INSC: variants seen among roughly 807,000 people sequenced by gnomAD.
The protein encoded by INSC is protein inscuteable homolog.
INSC carries 67 observed loss-of-function variants against 58.6 expected under a neutral mutation model. The ratio of observed to expected loss-of-function variants is 1.14; its 90% CI spans 0.94 to 1.40. The LOEUF (loss-of-function observed/expected upper bound fraction) is 1.40, where lower values mean the gene tolerates loss of function less well. Ranked by LOEUF, INSC falls within the 40% of genes most tolerant of loss-of-function variation. The pLI is 0.00. For missense variants in INSC, 714 were observed against 692.0 expected, an observed-to-expected ratio of 1.03 and a Z score of -0.36; for synonymous variants, 262 against 276.1, an observed-to-expected ratio of 0.95 and a Z score of 0.51.
chr11:15,181,380 T>C (rs1244117751), intron 5 of INSC, among the ~76,000 whole-genome samples: 4 of 152,206 alleles, frequency 2.6e-5, no homozygotes, highest in Admixed American at 2.6e-4. Flanking sequence ...CACTAAGAAG[T>C]CGTGTGGGCT....
At chr11:15,144,394 C>T (rs1225111627) in intron 1 of INSC, among the ~76,000 whole-genome samples, 1 of 152,174 alleles carries the variant, frequency 6.6e-6, no homozygotes, top group Non-Finnish European at 1.5e-5. Flanking sequence ...GCCTTTTCAG[C>T]TCCAAATGTA....
the INSC span, among the ~76,000 whole-genome samples, chr11:15,263,360 G>A: frequency 6.6e-6 from 1 of 152,028 alleles, no homozygotes; most frequent in African/African-American, 2.4e-5. Flanking sequence ...ATCCCATTCA[G>A]AAACTGTGAT....
At chr11:15,262,866 G>C in the INSC span, among the ~76,000 whole-genome samples, 1 of 151,930 alleles carries the variant, frequency 6.6e-6, no homozygotes, top group South Asian at 2.1e-4. Context: ...AGCACTCTGA[G>C]AAACAGAGGA....
chr11:15,136,862 G>T (rs1045666272), intron 1 of INSC, among the ~76,000 whole-genome samples: 1 of 152,078 alleles, frequency 6.6e-6, no homozygotes, highest in East Asian at 1.9e-4. Flanking sequence ...CATGAATCAT[G>T]AATGTTCTTA....
chr11:15,186,709 C>G (rs894592291), intron 5 of INSC, among the ~76,000 whole-genome samples: 1 of 152,006 alleles, frequency 6.6e-6, no homozygotes, highest in African/African-American at 2.4e-5. Context: ...CCTCAGAGTC[C>G]TAATTCATGC....
chr11:15,232,394 C>T (rs1279088148), intron 9 of INSC, among the ~76,000 whole-genome samples: 3 of 152,178 alleles, frequency 2.0e-5, no homozygotes, highest in African/African-American at 7.2e-5. Flanking sequence ...TCATTGAATG[C>T]TCATACAGGA....
At chr11:15,267,571 C>G in the INSC span, among the ~76,000 whole-genome samples, 2 of 151,896 alleles carry the variant, frequency 1.3e-5, no homozygotes, top group Non-Finnish European at 2.9e-5. Flanking sequence ...GGCTATATCT[C>G]TAGATGTTCA....
At chr11:15,247,706 T>A (rs1370824781), downstream of INSC, among the ~76,000 whole-genome samples, 1 of 132,604 alleles carries the variant, frequency 7.5e-6, no homozygotes, top group Non-Finnish European at 1.7e-5. Flanking sequence ...TGAGTCCTTA[T>A]ACAAAGCTTC....
the INSC span, among the ~76,000 whole-genome samples, chr11:15,269,104 A>G: frequency 6.6e-6 from 1 of 151,752 alleles, no homozygotes; most frequent in Non-Finnish European, 1.5e-5. Context: ...ATGTTACCCT[A>G]CTCAGTATGT....
At chr11:15,148,217 A>AC (rs1848543365) in intron 1 of INSC, among the ~76,000 whole-genome samples, 1 of 152,170 alleles carries the variant, frequency 6.6e-6, no homozygotes, top group African/African-American at 2.4e-5. Flanking sequence ...GCTGTGTAGA[A>AC]TAAAAACCCT....
intron 9 of INSC, among the ~76,000 whole-genome samples, chr11:15,234,546 C>T (rs544344597): frequency 1.1e-4 from 17 of 152,260 alleles, no homozygotes; most frequent in East Asian, 3.9e-4. Context: ...GCTGTCTCAG[C>T]GGAGGGGGGA....
At chr11:15,236,732 G>T (rs567006798) in intron 10 of INSC, among the ~76,000 whole-genome samples, 1 of 152,212 alleles carries the variant, frequency 6.6e-6, no homozygotes, top group Admixed American at 6.5e-5. Context: ...AACCAGAGAC[G>T]CTAATGAGGC....
chr11:15,143,124 AGT>A (rs1848412252), intron 1 of INSC, among the ~76,000 whole-genome samples: 2 of 152,326 alleles, frequency 1.3e-5, no homozygotes, highest in African/African-American at 4.8e-5. Flanking sequence ...GGGGTATGGC[AGT>A]GAGTGGCACA....
chr11:15,227,763 G>A (rs1041671765), intron 9 of INSC, among the ~76,000 whole-genome samples: 11 of 152,126 alleles, frequency 7.2e-5, no homozygotes, highest in Admixed American at 6.5e-4. Flanking sequence ...TTTGTGATCC[G>A]CCTTACTCAT....
At chr11:15,190,531 T>C (rs961961621) in intron 5 of INSC, among the ~76,000 whole-genome samples, 170 bp from the exon 6 acceptor site, 5 of 152,320 alleles carry the variant, frequency 3.3e-5, no homozygotes, top group African/African-American at 1.2e-4. Context: ...CCCTGACTGA[T>C]ACCTTTCCCA....
intron 2 of INSC, among the ~76,000 whole-genome samples, chr11:15,156,296 A>C (rs1189235521): frequency 6.6e-6 from 1 of 152,192 alleles, no homozygotes; most frequent in Admixed American, 6.5e-5. Context: ...AAACTATAAA[A>C]AGGCAACTGT....
chr11:15,216,854 G>C (rs1851237813), intron 7 of INSC, among the ~76,000 whole-genome samples: 1 of 152,176 alleles, frequency 6.6e-6, no homozygotes, highest in African/African-American at 2.4e-5. Flanking sequence ...AGGGCCCCAA[G>C]TCTAGGAGCC....
Position 15,180,687 on chromosome 11 carries a change from G to C in INSC, c.579+2240G>C, listed in dbSNP as rs549536117. On this transcript the variant is annotated intron_variant, in intron 5 of 12. Transcript: ENST00000379556. Reference sequence around the variant, plus strand: ...CCTCCCTCTCATGGTAGGAGTGAGGGGGGGGGCGGGGGGGGGTGGTGGCCA... The same window carrying C: ...CCTCCCTCTCATGGTAGGAGTGAGGCGGGGGGCGGGGGGGGGTGGTGGCCA... 6.5e-3 allele frequency among the ~76,000 whole-genome samples: 631 copies of C among 97,444 alleles called. 9 individuals carry two copies. Among genetic ancestry groups the C allele is most frequent in the African/African-American group, 0.024 (602 of 25,250 alleles). 63.9% of individuals were successfully genotyped at this position (97,444 alleles called of 152,430 possible).
intron 1 of INSC, among the ~76,000 whole-genome samples, chr11:15,147,593 C>A (rs1848526074): frequency 1.3e-5 from 2 of 152,146 alleles, no homozygotes; most frequent in Middle Eastern, 6.8e-3. Context: ...AAAATTTATC[C>A]CTCTTATTCT....
Sources: gnomAD v4.1 joint callset for allele counts (sites outside exome capture counted in the v4.1 genomes callset) on GRCh38, gnomAD v4.1.1 for gene constraint, MANE v1.5 for transcripts, NCBI Gene and HGNC (gene_info 2026-07-23, HGNC 2026-07-21) for gene names.